Variants in BSN observed in about 807,000 individuals in gnomAD.
BSN encodes the protein bassoon presynaptic cytomatrix protein.
In BSN, 57 loss-of-function variants were observed where a neutral mutation model predicts 264.8. The ratio of observed to expected loss-of-function variants is 0.22; its 90% CI spans 0.17 to 0.27. The LOEUF (loss-of-function observed/expected upper bound fraction) is 0.27. BSN is among the 10% of genes least tolerant of loss of function. BSN has a pLI of 1.00. For missense variants in BSN, 4,615 were observed against 5,232.5 expected, an observed-to-expected ratio of 0.88 and a Z score of 3.64; for synonymous variants, 2,059 against 2,137.3, an observed-to-expected ratio of 0.96 and a Z score of 1.01.
intron 10 of BSN, 136 bp downstream of exon 10, chr3:49,664,989 T>A (rs2052701594): frequency 2.9e-6 from 2 of 687,670 alleles, no homozygotes; most frequent in African/African-American, 3.6e-5. Flanking sequence ...AGAGCTGCAA[T>A]GTTCCCTTCT....
Position 49,625,316 on chromosome 3 carries a change from C to CCTGCACCCAGTGTCACAACAAGGT in BSN, c.572_595dup (p.Thr191_Cys198dup). The CCTGCACCCAGTGTCACAACAAGGT allele has an allele frequency of 6.3e-7, 1 of 1,590,652 alleles. No individual in the cohort carries two copies. Among genetic ancestry groups the CCTGCACCCAGTGTCACAACAAGGT allele is most frequent in the Non-Finnish European group, 8.6e-7 (1 of 1,168,918 alleles). On this transcript the variant is annotated inframe_insertion, in exon 2 of 12. Coordinates refer to ENST00000296452, the MANE Select transcript of BSN (RefSeq NM_003458.4). The surrounding 1 kb of genome is among the most constrained non-coding windows in gnomAD (Gnocchi z 4.4). ...ACCCCCAGCCAGCCAAACTTCAACA[C>CCTGCACCCAGTGTCACAACAAGGT]CTGCACCCAGTGTCACAACAAGGTC...
Position 49,656,723 on chromosome 3 carries a change from G to A in BSN, c.7167G>A (p.Arg2389=). The A allele has an allele frequency of 1.9e-6, 3 of 1,578,028 alleles. No homozygotes were observed. The South Asian group carries it at 3.4e-5, about 18-fold the overall frequency. The stretch of plus-strand genomic sequence containing the variant: ...AGTTGGAGAAGCTGCGACAACTTCG[G>A]CTGCAAGAGGAGCTAGAGCGGGAAC... ...RVELEKLRQL[R]LQEELERERV... is the part of the protein sequence containing the mutation. Residue 2389 remains arginine (R), a synonymous_variant, in exon 5 of 12, where the codon CGG becomes CGA. Coordinates refer to ENST00000296452, the MANE Select transcript of BSN (RefSeq NM_003458.4).
chr3:49,602,929 AG>A (rs1263726767), intron 1 of BSN, among the ~76,000 whole-genome samples: 2 of 152,180 alleles, frequency 1.3e-5, no homozygotes, highest in African/African-American at 4.8e-5. Flanking sequence ...TCATGGGCAG[AG>A]TGAAGGGAGA....
Position 49,554,819 on chromosome 3 carries a change from C to A in BSN, c.217C>A (p.Pro73Thr). 1 of 1,222,390 alleles carries A rather than the reference C, an allele frequency of 8.2e-7. No individual in the cohort carries two copies. Among genetic ancestry groups the A allele is most frequent in the Non-Finnish European group, 1.0e-6 (1 of 981,866 alleles). The allele number at this position is 1,222,390 out of a possible 1,614,324, so 75.7% of individuals were successfully genotyped here. Residue 73 changes from proline (P) to threonine (T), a missense_variant, in exon 1 of 12, where the codon CCG (proline) becomes ACG (threonine). Transcript: ENST00000296452. ...PGPGPGPGPGPGSTSRRLDPK... is the reference protein window; with the variant it reads ...PGPGPGPGPGTGSTSRRLDPK... ...CCCCGGCCCCGGTCCCGGCCCTGGCCCGGGCAGGTAAGCGCGTGTCTCGGC... is the reference window on the plus strand; with the variant it reads ...CCCCGGCCCCGGTCCCGGCCCTGGCACGGGCAGGTAAGCGCGTGTCTCGGC...
At chr3:49,639,199 C>CTTT (rs71631022) in intron 2 of BSN, among the ~76,000 whole-genome samples, 12 of 133,870 alleles carry the variant, frequency 9.0e-5, no homozygotes, top group Non-Finnish European at 1.4e-4. Context: ...CTTTCTTTTT[C>CTTT]TTTTTTTTTT....
chr3:49,664,274 T>TC (rs1159690928), intron 8 of BSN, 149 bp from the exon 9 acceptor site: 1 of 1,047,922 alleles, frequency 9.5e-7, no homozygotes, highest in Non-Finnish European at 1.4e-6. Flanking sequence ...TTCCTGTTCT[T>TC]ACCTTCTTCT....
intron 1 of BSN, among the ~76,000 whole-genome samples, chr3:49,565,168 C>T (rs1209704963): frequency 4.5e-5 from 5 of 111,624 alleles, no homozygotes; most frequent in Non-Finnish European, 6.9e-5. Flanking sequence ...TTTTTTGAGA[C>T]GGAGTCTCAC....
intron 11 of BSN, among the ~76,000 whole-genome samples, chr3:49,666,501 A>G (rs2052714757): frequency 6.6e-6 from 1 of 152,256 alleles, no homozygotes; most frequent in Non-Finnish European, 1.5e-5. Context: ...AAGTTTAAAA[A>G]TAAAATTCAA....
rs1286045453 is a variant in BSN at position 49,653,898 on chromosome 3, G to C, written c.4342G>C (p.Ala1448Pro). The change falls in exon 5 of 12, where the codon GCT (alanine) becomes CCT (proline). Residue 1448 changes from alanine to proline, a missense_variant. Physicochemically the swap from Ala to Pro is conservative, Grantham distance 27. This residue lies in a region of BSN where 3,415 missense variants were observed against 3,866.4 expected (regional missense o/e 0.88). Transcript: ENST00000296452. The surrounding 1 kb of genome is among the most constrained non-coding windows in gnomAD (Gnocchi z 6.3). ...CAGTGGCCTTGCTGCAGCTGGACGAGCTGCTAGAGAGAAGCCCTTGAGTGC... is the reference window on the plus strand; with the variant it reads ...CAGTGGCCTTGCTGCAGCTGGACGACCTGCTAGAGAGAAGCCCTTGAGTGC... ...APSGLAAAGR[A>P]AREKPLSASD... The C allele has an allele frequency of 6.2e-7, 1 of 1,614,140 alleles. No homozygotes were observed. The highest frequency in any genetic ancestry group is 1.1e-5 in the South Asian group (1 of 91,088).
chr3:49,665,109 C>G (rs770035463), intron 10 of BSN, 120 bp from the exon 11 acceptor site: 6 of 416,506 alleles, frequency 1.4e-5, no homozygotes, highest in Non-Finnish European at 2.6e-5. Flanking sequence ...GGCCAGTGCC[C>G]TGGCTTTCAA....
Position 49,655,966 on chromosome 3 carries a change from C to G in BSN, c.6410C>G (p.Ala2137Gly). Residue 2137 changes from alanine to glycine, a missense_variant, in exon 5 of 12, where the codon GCT becomes GGT. Ala to Gly is a moderately conservative substitution (Grantham distance 60). Around this residue, in one of 3 missense-constraint regions of BSN, gnomAD observed 3,415 missense variants for 3,866.4 expected, o/e 0.88. Transcript: ENST00000296452. ...YQPQHGPGLSAPQSLVPLRPG... is the reference protein window; with the variant it reads ...YQPQHGPGLSGPQSLVPLRPG... ...CCCCAGCACGGGCCCGGGCTCAGTG[C>G]TCCACAGAGTCTGGTTCCCCTCAGA... is the stretch of plus-strand genomic sequence containing the variant. 1 of 1,610,004 alleles carries G rather than the reference C, an allele frequency of 6.2e-7. No homozygotes were observed. Among genetic ancestry groups the G allele is most frequent in the Non-Finnish European group, 8.5e-7 (1 of 1,179,502 alleles).
chr3:49,613,504 T>TA (rs1331663067), intron 1 of BSN, among the ~76,000 whole-genome samples: 1 of 148,764 alleles, frequency 6.7e-6, no homozygotes, highest in Non-Finnish European at 1.5e-5. Flanking sequence ...TTATTATTAT[T>TA]TTTTTTTGAG....
At chr3:49,606,141 T>TA (rs1553661989) in intron 1 of BSN, among the ~76,000 whole-genome samples, 3 of 55,798 alleles carry the variant, frequency 5.4e-5, no homozygotes, top group African/African-American at 7.4e-5. Flanking sequence ...TATACATATA[T>TA]TATATATGTA....
At chr3:49,627,040 G>A (rs543598200) in intron 2 of BSN, among the ~76,000 whole-genome samples, 2 of 152,386 alleles carry the variant, frequency 1.3e-5, no homozygotes, top group South Asian at 4.1e-4. Context: ...AGGAAGCTGA[G>A]GCTCAGGGCC....
Position 49,655,677 on chromosome 3 carries a change from T to G in BSN, c.6121T>G (p.Ser2041Ala). 6.2e-7 allele frequency: 1 copy of G among 1,613,552 alleles called. No homozygotes were observed. Among genetic ancestry groups the G allele is most frequent in the Non-Finnish European group, 8.5e-7 (1 of 1,180,016 alleles). The change falls in exon 5 of 12, where the codon TCA becomes GCA. Residue 2041 changes from serine (S) to alanine (A), a missense_variant. Transcript: ENST00000296452. The stretch of plus-strand genomic sequence containing the variant: ...CCTAGGGCAGGGCTTGCAGTATGGC[T>G]CAGTCACGGACCTGCGTCATCCTAC... ...RYLGQGLQYG[S>A]VTDLRHPTDL...
chr3:49,595,278 C>T (rs1158192387), intron 1 of BSN, among the ~76,000 whole-genome samples: 15 of 151,458 alleles, frequency 9.9e-5, no homozygotes, highest in Middle Eastern at 3.4e-3. Flanking sequence ...CTGCAATCTC[C>T]ACCTCCTAGG....
rs1300328552 is a variant in BSN, at chr3:49,662,133, G to A, written c.10288G>A (p.Ala3430Thr). ...QKYYGMSSRD[A>T]VEDDRIYGGS... ...ATACTATGGGATGTCCAGCCGGGAC[G>A]CAGTGGAGGACGACCGCATTTATGG... is the stretch of plus-strand genomic sequence containing the variant. Residue 3430 changes from alanine (A) to threonine (T), a missense_variant, in exon 6 of 12, where the codon GCA becomes ACA. By Grantham distance (58) the Ala-to-Thr change is moderately conservative. This residue lies in a region of BSN where 3,415 missense variants were observed against 3,866.4 expected (regional missense o/e 0.88). Coordinates refer to ENST00000296452, the MANE Select transcript of BSN (RefSeq NM_003458.4). The A allele has an allele frequency of 6.8e-6, 11 of 1,613,440 alleles. No homozygotes were observed. The highest frequency in any genetic ancestry group is 4.0e-5 in the African/African-American group (3 of 74,950).
rs745907472 is a variant in BSN, at chr3:49,651,997, A to T, written c.2441A>T (p.Tyr814Phe). Reference protein sequence around the residue: ...DDFGSQLRHDYVEDSSEGGLS... With the variant: ...DDFGSQLRHDFVEDSSEGGLS... The stretch of plus-strand genomic sequence containing the variant: ...TTTGGCAGCCAATTGAGGCACGACT[A>T]TGTGGAGGACAGCAGTGAGGGTGGC... Residue 814 changes from tyrosine (Y) to phenylalanine (F), a missense_variant, in exon 5 of 12, where the codon TAT becomes TTT. By Grantham distance (22) the Tyr-to-Phe change is conservative. Transcript: ENST00000296452. The surrounding 1 kb of genome is among the most constrained non-coding windows in gnomAD (Gnocchi z 5.4). The T allele has an allele frequency of 6.2e-7, 1 of 1,613,422 alleles. No homozygotes were observed. Among genetic ancestry groups the T allele is most frequent in the Non-Finnish European group, 8.5e-7 (1 of 1,179,704 alleles).
At chr3:49,581,051 G>A (rs1477553560) in intron 1 of BSN, among the ~76,000 whole-genome samples, 1 of 149,618 alleles carries the variant, frequency 6.7e-6, no homozygotes, top group Non-Finnish European at 1.5e-5. Flanking sequence ...GTGTAATCTT[G>A]GCTCACTGCA....
Sources: allele counts gnomAD v4.1 joint callset (sites outside exome capture counted in the v4.1 genomes callset), GRCh38; gene constraint gnomAD v4.1.1; regional missense constraint gnomAD v4.1.1; non-coding constraint Gnocchi (gnomAD v3.1); transcripts MANE v1.5; gene names NCBI Gene and HGNC (gene_info 2026-07-23, HGNC 2026-07-21).